Variants in SDK1 observed in about 807,000 individuals in gnomAD.
The protein encoded by SDK1 is sidekick cell adhesion molecule 1, also known as protein sidekick-1.
In SDK1, 157 loss-of-function variants were observed where a neutral mutation model predicts 245.5. The observed-to-expected ratio is 0.64, with a 90% CI of 0.56 to 0.73. The LOEUF (loss-of-function observed/expected upper bound fraction) is 0.73, where lower values mean the gene tolerates loss of function less well. Ranked by LOEUF, SDK1 falls within the 30% of genes least tolerant of loss-of-function variation. SDK1 has a pLI of 0.00. For synonymous variants in SDK1, 1,647 were observed against 1,278.5 expected (o/e 1.29, Z -6.15); for missense variants, 3,583 against 3,002.3 (o/e 1.19, Z -4.52).
At chr7:4,168,825 G>T (rs941928569) in intron 32 of SDK1, among the ~76,000 whole-genome samples, 1 of 152,120 alleles carries the variant, frequency 6.6e-6, no homozygotes, top group African/African-American at 2.4e-5. Context: ...CTGTCTGCTC[G>T]CCTCTTCGTC....
intron 4 of SDK1, among the ~76,000 whole-genome samples, chr7:3,754,499 C>T (rs572515515): frequency 6.6e-6 from 1 of 151,270 alleles, no homozygotes; most frequent in Non-Finnish European, 1.5e-5. Flanking sequence ...CTATCAAGGT[C>T]AGTAACATTG....
intron 4 of SDK1, among the ~76,000 whole-genome samples, chr7:3,810,661 G>A (rs966364001): frequency 6.6e-6 from 1 of 152,174 alleles, no homozygotes; most frequent in Non-Finnish European, 1.5e-5. Context: ...TACATCAACA[G>A]TTACCCTATA....
chr7:3,834,387 T>G (rs1779984060), intron 5 of SDK1, among the ~76,000 whole-genome samples: 1 of 152,194 alleles, frequency 6.6e-6, no homozygotes, highest in African/African-American at 2.4e-5. Context: ...GAACACAGTG[T>G]GTTAAATGCC....
chr7:3,760,059 A>G (rs1583384947), intron 4 of SDK1, among the ~76,000 whole-genome samples: 1 of 152,200 alleles, frequency 6.6e-6, no homozygotes, highest in African/African-American at 2.4e-5. Flanking sequence ...ACTGCACAAA[A>G]GAGCATTATC....
At chr7:4,049,602 C>G in intron 18 of SDK1, 139 bp downstream of exon 18, 1 of 626,380 alleles carries the variant, frequency 1.6e-6, no homozygotes, top group Non-Finnish European at 2.9e-6. Flanking sequence ...GGTGAGACCA[C>G]CATTTATCCA....
intron 1 of SDK1, among the ~76,000 whole-genome samples, chr7:3,327,917 G>A (rs373341107): frequency 1.3e-5 from 2 of 152,036 alleles, no homozygotes; most frequent in East Asian, 1.9e-4. Flanking sequence ...TCGTTCTGTC[G>A]TATGTTGAAT....
rs186318134 is a variant in SDK1, at chr7:3,402,613, C to T, written c.298+100729C>T. ...GTGCATTGTGAAAGGCAGAGAATTTCAAGTAGTTCAGTTTTGTTGTTGCTT... is the reference window on the plus strand; with the variant it reads ...GTGCATTGTGAAAGGCAGAGAATTTTAAGTAGTTCAGTTTTGTTGTTGCTT... On this transcript the variant is annotated intron_variant, in intron 1 of 44. Coordinates refer to ENST00000404826, the MANE Select transcript of SDK1 (RefSeq NM_152744.4). Among the ~76,000 whole-genome samples the T allele has an allele frequency of 4.1e-3, 628 of 152,192 alleles. 7 individuals carry two copies. The highest frequency in any genetic ancestry group is 0.018 in the South Asian group (88 of 4,822).
At chr7:3,372,785 T>C (rs1224368626) in intron 1 of SDK1, among the ~76,000 whole-genome samples, 1 of 152,176 alleles carries the variant, frequency 6.6e-6, no homozygotes, top group African/African-American at 2.4e-5. Flanking sequence ...AGAGCGTGCA[T>C]TGCAGGCTTT....
intron 1 of SDK1, among the ~76,000 whole-genome samples, chr7:3,409,904 G>T (rs1212867000): frequency 6.6e-6 from 1 of 152,082 alleles, no homozygotes; most frequent in Admixed American, 6.6e-5. Flanking sequence ...GTGTATATTT[G>T]AGAGTGACAG....
intron 5 of SDK1, among the ~76,000 whole-genome samples, chr7:3,925,154 T>A (rs531335671): frequency 4.9e-4 from 74 of 152,214 alleles, no homozygotes; most frequent in African/African-American, 1.7e-3. Context: ...CCCAGAGCTG[T>A]CCCACAGCCT....
At chr7:4,122,976 G>C (rs538943287) in intron 25 of SDK1, among the ~76,000 whole-genome samples, 2 of 152,140 alleles carry the variant, frequency 1.3e-5, no homozygotes, top group Non-Finnish European at 2.9e-5. Context: ...CTATCTCCAC[G>C]TGAGAAGTTC....
chr7:4,074,643 T>C (rs1027598429), intron 20 of SDK1, among the ~76,000 whole-genome samples: 2 of 151,776 alleles, frequency 1.3e-5, no homozygotes, highest in African/African-American at 2.4e-5. Context: ...GGAGGATCGC[T>C]TGATACCAGG....
intron 1 of SDK1, among the ~76,000 whole-genome samples, chr7:3,468,991 A>T (rs527437573): frequency 4.0e-4 from 61 of 152,288 alleles, no homozygotes; most frequent in African/African-American, 1.4e-3. Context: ...TACCATATGA[A>T]ATATTCTTAT....
chr7:3,958,437 T>A (rs1781430801), intron 7 of SDK1: 2 of 183,504 alleles, frequency 1.1e-5, no homozygotes, highest in South Asian at 2.1e-4. Flanking sequence ...TTTCTCTTAG[T>A]TATTATTTGG....
chr7:4,066,228 A>G (rs1468990148), intron 19 of SDK1, among the ~76,000 whole-genome samples: 1 of 151,962 alleles, frequency 6.6e-6, no homozygotes, highest in African/African-American at 2.4e-5. Context: ...TTTCTCCTGA[A>G]CGGGTATCTG....
At chr7:3,624,828 C>T (rs1231303922) in intron 2 of SDK1, among the ~76,000 whole-genome samples, 3 of 151,894 alleles carry the variant, frequency 2.0e-5, no homozygotes, top group Admixed American at 6.6e-5. Context: ...GGCGCATCAC[C>T]TGAGGTCAGG....
intron 27 of SDK1, among the ~76,000 whole-genome samples, chr7:4,131,133 T>G (rs925244527): frequency 4.6e-5 from 7 of 152,170 alleles, no homozygotes; most frequent in Non-Finnish European, 8.8e-5. Context: ...CCTGCTCCAG[T>G]GTATTCCAGG....
intron 1 of SDK1, among the ~76,000 whole-genome samples, chr7:3,306,163 C>G (rs1189235310): frequency 6.6e-6 from 1 of 152,176 alleles, no homozygotes; most frequent in South Asian, 2.1e-4. Flanking sequence ...ATTGAGTAAT[C>G]TGACCTCAAG....
chr7:4,192,883 A>C lies in SDK1; in HGVS notation c.5099-12996A>C, dbSNP rs115067239. 4.9e-4 allele frequency among the ~76,000 whole-genome samples: 74 copies of C among 151,748 alleles called. No individual in the cohort carries two copies. In the South Asian group the frequency reaches 5.8e-3, roughly 12 times the overall value. ...AGCAGCTCTCAGACATCATATATAG[A>C]GGTTTACAACATCATATCATTTTAT... On this transcript the variant is annotated intron_variant, in intron 35 of 44. Coordinates refer to ENST00000404826, the MANE Select transcript of SDK1 (RefSeq NM_152744.4).
Sources: gnomAD v4.1 joint callset for allele counts (sites outside exome capture counted in the v4.1 genomes callset) on GRCh38, gnomAD v4.1.1 for gene constraint, MANE v1.5 for transcripts, NCBI Gene and HGNC (gene_info 2026-07-23, HGNC 2026-07-21) for gene names.